The following PIEZO2 variants were observed in gnomAD, a reference collection of about 807,000 sequenced individuals.
PIEZO2 encodes the protein piezo-type mechanosensitive ion channel component 2.
A neutral mutation model predicts 337.3 loss-of-function variants in PIEZO2; 172 were observed. That is an observed-to-expected ratio of 0.51 (90% confidence interval 0.45 to 0.58). The LOEUF (loss-of-function observed/expected upper bound fraction) is 0.58. PIEZO2 is among the 20% of genes least tolerant of loss of function. The pLI is 0.00. For missense variants in PIEZO2, 3,028 were observed against 3,391.3 expected, an observed-to-expected ratio of 0.89 and a Z score of 2.66; for synonymous variants, 1,251 against 1,228.5, an observed-to-expected ratio of 1.02 and a Z score of -0.38.
intron 44 of PIEZO2, 132 bp from the exon 45 acceptor site, chr18:10,698,012 C>CGGATGCGTTTGTGAACAATTACTGA (rs6146217): frequency 1.0e-5 from 11 of 1,062,350 alleles, no homozygotes; most frequent in Non-Finnish European, 1.4e-5. Context: ...TGAGTATGCA[C>CGGATGCGTTTGTGAACAATTACTGA]GGCCTTGGGA....
intron 4 of PIEZO2, among the ~76,000 whole-genome samples, chr18:10,873,260 C>T (rs1237444817): frequency 6.6e-6 from 1 of 152,148 alleles, no homozygotes; most frequent in Non-Finnish European, 1.5e-5. Flanking sequence ...GAGCTTTAGA[C>T]ACATTATTAA....
At chr18:10,730,857 G>A (rs989485713) in intron 36 of PIEZO2, among the ~76,000 whole-genome samples, 2 of 152,068 alleles carry the variant, frequency 1.3e-5, no homozygotes, top group Non-Finnish European at 2.9e-5. Context: ...CTCCCGAGTA[G>A]CTGGGACTAC....
intron 17 of PIEZO2, among the ~76,000 whole-genome samples, chr18:10,782,528 A>G (rs11080457): frequency 7.4e-6 from 1 of 134,628 alleles, no homozygotes; most frequent in Non-Finnish European, 1.5e-5. Context: ...TATATTATAT[A>G]ATATATATTA....
chr18:11,052,497 C>A (rs1435472692), intron 2 of PIEZO2, among the ~76,000 whole-genome samples: 2 of 152,120 alleles, frequency 1.3e-5, no homozygotes, highest in Non-Finnish European at 2.9e-5. Context: ...ACCTTTGAAC[C>A]CTTTGTTTTA....
intron 2 of PIEZO2, among the ~76,000 whole-genome samples, chr18:10,997,118 AC>A (rs1360050585): frequency 6.6e-6 from 1 of 152,122 alleles, no homozygotes; most frequent in African/African-American, 2.4e-5. Context: ...TGATAATTGA[AC>A]GGTGCATGTT....
chr18:11,025,786 C>T (rs970115578), intron 2 of PIEZO2, among the ~76,000 whole-genome samples: 6 of 152,224 alleles, frequency 3.9e-5, no homozygotes, highest in African/African-American at 1.2e-4. Flanking sequence ...CACCCCTCAT[C>T]ATTTTCTCTC....
chr18:10,696,945 T>C (rs1440931137), intron 45 of PIEZO2, among the ~76,000 whole-genome samples: 1 of 152,186 alleles, frequency 6.6e-6, no homozygotes, highest in African/African-American at 2.4e-5. Context: ...GAAGACCTGA[T>C]GCCTAGGGCC....
intron 2 of PIEZO2, among the ~76,000 whole-genome samples, chr18:10,992,706 T>C (rs952832584): frequency 6.6e-6 from 1 of 152,238 alleles, no homozygotes; most frequent in Non-Finnish European, 1.5e-5. Context: ...GCCTTGGCTA[T>C]GCAGGCTCTA....
rs1337201798 is a variant in PIEZO2, at chr18:11,080,993, A to C, written c.65-14771T>G. On this transcript the variant is annotated intron_variant, in intron 1 of 55. Transcript: ENST00000674853. The surrounding 1 kb of genome is among the most constrained non-coding windows in gnomAD (Gnocchi z 5.4). ...CTGGCTAACATAATGACATGGCTAC[A>C]ATAACAATATTAAAAAGGAATTTGA... 6.6e-6 allele frequency among the ~76,000 whole-genome samples: 1 copy of C among 152,248 alleles called. No homozygotes were observed. Among genetic ancestry groups the C allele is most frequent in the Non-Finnish European group, 1.5e-5 (1 of 68,034 alleles).
chr18:10,755,293 C>T (rs1203700764), intron 27 of PIEZO2, among the ~76,000 whole-genome samples: 2 of 152,124 alleles, frequency 1.3e-5, no homozygotes, highest in East Asian at 3.9e-4. Flanking sequence ...ACATGGATGG[C>T]ATGTGTGCTG....
Position 10,677,667 on chromosome 18 carries a change from C to G in PIEZO2, c.8081+80G>C. 2 of 1,475,742 alleles carry G rather than the reference C, an allele frequency of 1.4e-6. No homozygotes were observed. Among genetic ancestry groups the G allele is most frequent in the Non-Finnish European group, 1.8e-6 (2 of 1,084,208 alleles). 91.4% of individuals were successfully genotyped at this position (1,475,742 alleles called of 1,614,324 possible). A position where few individuals can be genotyped will look rare whatever the true frequency, so the allele number is the denominator to read the frequency against. On this transcript the variant is annotated intron_variant, in intron 53 of 55. Coordinates refer to ENST00000674853, the MANE Select transcript of PIEZO2 (RefSeq NM_001378183.1). The surrounding 1 kb of genome is among the most constrained non-coding windows in gnomAD (Gnocchi z 4.1). ...AAAGAATGAAGTTGCATTCCTCATACACATGAATCTGTAGATGGACATTTT... is the reference window on the plus strand; with the variant it reads ...AAAGAATGAAGTTGCATTCCTCATAGACATGAATCTGTAGATGGACATTTT...
rs2034326543 is a variant in PIEZO2 at position 10,682,775 on chromosome 18, T to TATCATGTTGTTCGACACC, written c.7498-484_7498-483insGGTGTCGAACAACATGAT. On this transcript the variant is annotated intron_variant, in intron 49 of 55. Coordinates refer to ENST00000674853, the MANE Select transcript of PIEZO2 (RefSeq NM_001378183.1). The surrounding 1 kb of genome is among the most constrained non-coding windows in gnomAD (Gnocchi z 5.6). ...TTAATTTAATTCATGACACGTGTTG[T>TATCATGTTGTTCGACACC]TAAAGACAATGTTGTTCGACACCTA... is the stretch of plus-strand genomic sequence containing the variant. 6.6e-6 allele frequency among the ~76,000 whole-genome samples: 1 copy of TATCATGTTGTTCGACACC among 151,948 alleles called. No individual in the cohort carries two copies. Among genetic ancestry groups the TATCATGTTGTTCGACACC allele is most frequent in the Non-Finnish European group, 1.5e-5 (1 of 67,970 alleles).
chr18:11,066,384 T>A (rs1229455154), intron 1 of PIEZO2, among the ~76,000 whole-genome samples, 162 bp from the exon 2 acceptor site: 1 of 152,204 alleles, frequency 6.6e-6, no homozygotes, highest in Admixed American at 6.5e-5. Flanking sequence ...AGGTATTTAT[T>A]CTATGTTCAT....
In PIEZO2 at chr18:11,021,217, A is replaced by C. The variant is rs1335400138; in HGVS notation, c.161-41557T>G. On this transcript the variant is annotated intron_variant, in intron 2 of 55. Coordinates refer to ENST00000674853, the MANE Select transcript of PIEZO2 (RefSeq NM_001378183.1). This position sits in a 1 kb window ranked among gnomAD's most constrained non-coding sequence, Gnocchi z 4.7. ...CTCAACCAGCTCAAAGTTACAACCTAACTCAACAGTGCTAGTCACAGGTGT... is the reference window on the plus strand; with the variant it reads ...CTCAACCAGCTCAAAGTTACAACCTCACTCAACAGTGCTAGTCACAGGTGT... 1.4e-4 allele frequency among the ~76,000 whole-genome samples: 21 copies of C among 152,210 alleles called. 1 individual carries two copies. The highest frequency in any genetic ancestry group is 1.3e-3 in the Admixed American group (20 of 15,282).
intron 5 of PIEZO2, among the ~76,000 whole-genome samples, chr18:10,869,031 A>G (rs1349128614): frequency 6.6e-5 from 10 of 152,238 alleles, no homozygotes; most frequent in Admixed American, 1.3e-4. Flanking sequence ...TAAGAGGAAC[A>G]TTGGAATTTG....
Position 10,741,059 on chromosome 18 carries a change from C to T in PIEZO2, c.4680G>A (p.Trp1560Ter). The stretch of plus-strand genomic sequence containing the variant: ...AAGCATGATCAACCCAAGGCCGCCA[C>T]CACTGCTTTTTTTTGCCCTTGGCTT... ...KQKAKGKKKQ[W>*]WRPWVDHASM... The change falls in exon 33 of 56, where the codon TGG (tryptophan) becomes TGA (stop). Residue 1560 changes from tryptophan (W) to a stop codon, truncating the protein, a stop_gained. Coordinates refer to ENST00000674853, the MANE Select transcript of PIEZO2 (RefSeq NM_001378183.1). LOFTEE classifies it high-confidence loss of function. 1.3e-6 allele frequency: 2 copies of T among 1,537,180 alleles called. No homozygotes were observed. The highest frequency in any genetic ancestry group is 8.7e-7 in the Non-Finnish European group (1 of 1,146,894).
Position 10,945,862 on chromosome 18 carries a change from C to T in PIEZO2, c.286+33673G>A, listed in dbSNP as rs557127836. On this transcript the variant is annotated intron_variant, in intron 3 of 55. Coordinates refer to ENST00000674853, the MANE Select transcript of PIEZO2 (RefSeq NM_001378183.1). The surrounding 1 kb of genome is among the most constrained non-coding windows in gnomAD (Gnocchi z 4.0). Reference sequence around the variant, plus strand: ...ACTTCTTGAGATAATAACTATAATGCCTGAAATTGAAAACACACTGAATGG... The same window carrying T: ...ACTTCTTGAGATAATAACTATAATGTCTGAAATTGAAAACACACTGAATGG... Among the ~76,000 whole-genome samples, 34 of 152,004 alleles carry T rather than the reference C, an allele frequency of 2.2e-4. No individual in the cohort carries two copies. The highest frequency in any genetic ancestry group is 4.0e-4 in the Non-Finnish European group (27 of 67,984).
chr18:11,067,601 C>T (rs552997647), intron 1 of PIEZO2, among the ~76,000 whole-genome samples: 1 of 152,248 alleles, frequency 6.6e-6, no homozygotes, highest in South Asian at 2.1e-4. Flanking sequence ...AGACTTATAT[C>T]AGATAAAATA....
At chr18:10,829,560 C>A (rs79077897) in intron 7 of PIEZO2, among the ~76,000 whole-genome samples, 2,200 of 152,036 alleles carry the variant, frequency 0.014, 56 homozygotes, top group African/African-American at 0.05. Flanking sequence ...AACCTAAAGA[C>A]TGCACCAAAA....
Sources: gnomAD v4.1 joint callset for allele counts (sites outside exome capture counted in the v4.1 genomes callset) on GRCh38, gnomAD v4.1.1 for gene constraint, Gnocchi (gnomAD v3.1) non-coding constraint, MANE v1.5 for transcripts, NCBI Gene and HGNC (gene_info 2026-07-23, HGNC 2026-07-21) for gene names.